Variants in ARNT2 observed in about 807,000 individuals in gnomAD.
ARNT2 encodes ARNT protein 2.
ARNT2 carries 36 observed loss-of-function variants against 91.7 expected under a neutral mutation model. The observed-to-expected ratio is 0.39, with a 90% confidence interval of 0.30 to 0.52. The LOEUF is 0.52. Among genes scored for constraint, ARNT2 ranks in the 20% least tolerant of loss-of-function variants. The pLI, the probability that ARNT2 is intolerant of heterozygous loss-of-function variation, is 0.72. For synonymous variants in ARNT2, 365 were observed against 347.1 expected (o/e 1.05, Z -0.57); for missense variants, 775 against 939.3 (o/e 0.83, Z 2.29).
At chr15:80,588,723 A>G (rs909745390) in intron 17 of ARNT2, among the ~76,000 whole-genome samples, 1 of 151,972 alleles carries the variant, frequency 6.6e-6, no homozygotes, top group Non-Finnish European at 1.5e-5. Flanking sequence ...CAAGCCCTAT[A>G]CCGGATTAAT....
At chr15:80,537,981 C>T (rs899480803) in intron 8 of ARNT2, among the ~76,000 whole-genome samples, 2 of 152,014 alleles carry the variant, frequency 1.3e-5, no homozygotes, top group Non-Finnish European at 1.5e-5. Flanking sequence ...TGGACACAGA[C>T]GTGGGACACA....
chr15:80,461,011 G>A lies in ARNT2; in HGVS notation c.194+3035G>A, dbSNP rs551398598. On this transcript the variant is annotated intron_variant, in intron 3 of 18. Transcript: ENST00000303329. ...ATCAGAAGTGGAGGGATTAATTCTC[G>A]TGGCTTCCATTGTCTTGATTAGGTA... 5.9e-5 allele frequency among the ~76,000 whole-genome samples: 9 copies of A among 152,264 alleles called. No individual in the cohort carries two copies. The East Asian group carries it at 9.7e-4, about 16-fold the overall frequency.
intron 3 of ARNT2, among the ~76,000 whole-genome samples, chr15:80,462,554 C>T (rs1896576285): frequency 6.6e-6 from 1 of 152,222 alleles, no homozygotes; most frequent in African/African-American, 2.4e-5. Context: ...ATTCCACACC[C>T]TTTCTCAAAA....
chr15:80,557,067 G>A (rs1186904148), intron 11 of ARNT2: 2 of 152,214 alleles, frequency 1.3e-5, no homozygotes, highest in Non-Finnish European at 2.9e-5. Flanking sequence ...GTATCTAAGA[G>A]TGGGCCTCTC....
intron 11 of ARNT2, among the ~76,000 whole-genome samples, chr15:80,559,712 G>A (rs1186199469): frequency 6.6e-6 from 1 of 152,164 alleles, no homozygotes; most frequent in Non-Finnish European, 1.5e-5. Context: ...AAGTCAAAAA[G>A]AGCTGAACTC....
intron 12 of ARNT2, among the ~76,000 whole-genome samples, chr15:80,567,024 A>G (rs1363866431): frequency 2.0e-5 from 3 of 152,242 alleles, no homozygotes; most frequent in Non-Finnish European, 4.4e-5. Context: ...CTCAGGAAGC[A>G]GAGAGGTACC....
chr15:80,551,484 G>C (rs1380551651), intron 9 of ARNT2, among the ~76,000 whole-genome samples: 1 of 152,160 alleles, frequency 6.6e-6, no homozygotes, highest in African/African-American at 2.4e-5. Context: ...GAATTGAGGG[G>C]TTGCATCAGT....
intron 12 of ARNT2, among the ~76,000 whole-genome samples, chr15:80,568,938 G>GCA (rs200125828): frequency 0.011 from 1,686 of 151,930 alleles, 31 homozygotes; most frequent in African/African-American, 0.039. Context: ...ACACACACGC[G>GCA]CACACACACG....
intron 8 of ARNT2, among the ~76,000 whole-genome samples, chr15:80,523,260 G>A (rs540528514): frequency 6.6e-6 from 1 of 152,320 alleles, no homozygotes; most frequent in Non-Finnish European, 1.5e-5. Context: ...CCAGTTCACC[G>A]AGCATGTGTG....
intron 15 of ARNT2, among the ~76,000 whole-genome samples, chr15:80,578,985 C>A (rs1383506186): frequency 1.3e-5 from 2 of 152,214 alleles, no homozygotes; most frequent in Non-Finnish European, 1.5e-5. Flanking sequence ...AGTGCATCCT[C>A]ACCCACAGTC....
chr15:80,580,002 G>A (rs1271706669), intron 15 of ARNT2: 1 of 164,346 alleles, frequency 6.1e-6, no homozygotes, highest in Non-Finnish European at 1.3e-5. Flanking sequence ...GTGCCCCAAA[G>A]GAACAAATTA....
At chr15:80,408,222 G>A (rs549187367) in intron 1 of ARNT2, among the ~76,000 whole-genome samples, 16 of 152,298 alleles carry the variant, frequency 1.1e-4, no homozygotes, top group South Asian at 1.0e-3. Context: ...TCTTTGATAT[G>A]CCAAGCTGTC....
chr15:80,451,458 G>A (rs1010276639), intron 2 of ARNT2, among the ~76,000 whole-genome samples: 1 of 152,224 alleles, frequency 6.6e-6, no homozygotes, highest in African/African-American at 2.4e-5. Context: ...CAGACAGTTG[G>A]CATTGTCTGC....
In ARNT2 at chr15:80,532,291, C is replaced by T. The variant is rs114473119; in HGVS notation, c.877+17886C>T. 5.6e-3 allele frequency among the ~76,000 whole-genome samples: 850 copies of T among 152,174 alleles called. 12 individuals carry two copies. Among genetic ancestry groups the T allele is most frequent in the African/African-American group, 0.019 (783 of 41,516 alleles). On this transcript the variant is annotated intron_variant, in intron 8 of 18. Coordinates refer to ENST00000303329, the MANE Select transcript of ARNT2 (RefSeq NM_014862.4). The stretch of plus-strand genomic sequence containing the variant: ...CCTAGAGCTTGAGCCTTTGATGACC[C>T]CCAAGCTGCACTGCCCCCAGTCTTC...
intron 11 of ARNT2, 190 bp downstream of exon 11, chr15:80,555,329 C>A: frequency 1.8e-6 from 1 of 568,958 alleles, no homozygotes; most frequent in Non-Finnish European, 3.1e-6. Context: ...TAAATAAGTA[C>A]TATGTAATAG....
At chr15:80,408,966 G>A (rs1179375831) in intron 1 of ARNT2, among the ~76,000 whole-genome samples, 1 of 152,140 alleles carries the variant, frequency 6.6e-6, no homozygotes, top group African/African-American at 2.4e-5. Context: ...GGAAGGCACA[G>A]AGATTCCTCA....
chr15:80,499,844 G>A (rs545368733), intron 5 of ARNT2, among the ~76,000 whole-genome samples: 5 of 152,316 alleles, frequency 3.3e-5, no homozygotes, highest in African/African-American at 1.2e-4. Flanking sequence ...CATAATGAAG[G>A]ATTAGTATGA....
In ARNT2 at chr15:80,596,998, C is replaced by G; in HGVS notation, c.*3300C>G. 2 of 374,632 alleles carry G rather than the reference C, an allele frequency of 5.3e-6. No individual in the cohort carries two copies. The highest frequency in any genetic ancestry group is 1.1e-5 in the Non-Finnish European group (2 of 188,824). 23.2% of individuals were successfully genotyped at this position (374,632 alleles called of 1,614,324 possible). A position where few individuals can be genotyped will look rare whatever the true frequency, so the allele number is the denominator to read the frequency against. Reference sequence around the variant, plus strand: ...AGCCACATTCTGCTCTACTCTCCAACATACCAGATTCTACACTGTTGTTAT... The same window carrying G: ...AGCCACATTCTGCTCTACTCTCCAAGATACCAGATTCTACACTGTTGTTAT... On this transcript the variant is annotated 3_prime_UTR_variant, in exon 19 of 19. Transcript: ENST00000303329.
In ARNT2 at chr15:80,442,351, A is replaced by G. The variant is rs1483637953; in HGVS notation, c.32-8529A>G. Reference sequence around the variant, plus strand: ...TTCTCAGATCTTCCCAGCCTTCCCCACCACATGGTATCCAGCATCCCTCAC... The same window carrying G: ...TTCTCAGATCTTCCCAGCCTTCCCCGCCACATGGTATCCAGCATCCCTCAC... On this transcript the variant is annotated intron_variant, in intron 1 of 18. Transcript: ENST00000303329. Among the ~76,000 whole-genome samples, 3 of 152,264 alleles carry G rather than the reference A, an allele frequency of 2.0e-5. No homozygotes were observed. In the East Asian group the frequency reaches 5.8e-4, roughly 29 times the overall value.
Sources: allele counts gnomAD v4.1 joint callset (sites outside exome capture counted in the v4.1 genomes callset), GRCh38; gene constraint gnomAD v4.1.1; transcripts MANE v1.5; gene names NCBI Gene and HGNC (gene_info 2026-07-23, HGNC 2026-07-21).